Variants in RNF17 observed in about 807,000 individuals in gnomAD.
RNF17 encodes the protein spermatogenesis associated 23.
Under a neutral mutation model 200.5 loss-of-function variants are expected in RNF17, and 31 were observed. That is an observed-to-expected ratio of 0.15 (90% CI 0.12 to 0.21). The LOEUF (loss-of-function observed/expected upper bound fraction) is 0.21, where lower values mean the gene tolerates loss of function less well. RNF17 is among the 10% of genes least tolerant of loss of function. The pLI is 1.00. For synonymous variants in RNF17, 606 were observed against 637.8 expected (o/e 0.95, Z 0.75); for missense variants, 1,628 against 1,905.1 (o/e 0.85, Z 2.71).
intron 3 of RNF17, 55 bp downstream of exon 3, chr13:24,774,959 GT>G: frequency 8.7e-7 from 1 of 1,143,506 alleles, no homozygotes; most frequent in Non-Finnish European, 1.3e-6. Flanking sequence ...TACTGAAATA[GT>G]TTTAGAATTA....
rs1181936763 is a variant in RNF17, at chr13:24,825,785, A to G, written c.2245+13A>G. On this transcript the variant is annotated intron_variant, in intron 16 of 35. Transcript: ENST00000255324. ...GCAAAAGTTATCGGTAGGAGAATGC[A>G]TGCTGTTTCTACAGGGAGATGTCAT... 1 of 1,609,284 alleles carries G rather than the reference A, an allele frequency of 6.2e-7. No individual in the cohort carries two copies. The highest frequency in any genetic ancestry group is 8.5e-7 in the Non-Finnish European group (1 of 1,177,538).
chr13:24,791,021 G>A (rs182544972), intron 9 of RNF17, among the ~76,000 whole-genome samples: 7 of 152,106 alleles, frequency 4.6e-5, no homozygotes, highest in East Asian at 1.9e-4. Context: ...TAGACAATGT[G>A]GCATATTTCT....
At position 24,831,880 on chromosome 13, in the gene RNF17, A is replaced by G. The variant is rs1156527398; in HGVS notation, c.2384A>G (p.Tyr795Cys). ...CAGGCAATTAAATGTAAGTTGGCCT[A>G]TATTGAACCATATAAAAGGACAATG... ...PEKAIKCKLA[Y>C]IEPYKRTMQW... The change falls in exon 18 of 36, where the codon TAT becomes TGT. Residue 795 changes from tyrosine (Y) to cysteine (C), a missense_variant. Tyr to Cys is a radical substitution (Grantham distance 194). Coordinates refer to ENST00000255324, the MANE Select transcript of RNF17 (RefSeq NM_031277.3). 2 of 1,607,136 alleles carry G rather than the reference A, an allele frequency of 1.2e-6. No individual in the cohort carries two copies. Among genetic ancestry groups the G allele is most frequent in the South Asian group, 2.2e-5 (2 of 89,232 alleles).
chr13:24,868,832 G>A (rs1047015952), intron 31 of RNF17, 116 bp downstream of exon 31: 9 of 676,904 alleles, frequency 1.3e-5, no homozygotes, highest in Non-Finnish European at 2.1e-5. Flanking sequence ...TTGCAAATTC[G>A]TGAACTCTAG....
chr13:24,796,066 T>C lies in RNF17; in HGVS notation c.1241-71T>C, dbSNP rs572350882. On this transcript the variant is annotated intron_variant, in intron 10 of 35. Coordinates refer to ENST00000255324, the MANE Select transcript of RNF17 (RefSeq NM_031277.3). The stretch of plus-strand genomic sequence containing the variant: ...TAAGACACTCTTTTAGAGGCTATTA[T>C]GGTTGTTCAGCTTTCATGAATTATT... 6.6e-6 allele frequency: 8 copies of C among 1,204,238 alleles called. No individual in the cohort carries two copies. In the African/African-American group the frequency reaches 1.1e-4, roughly 16 times the overall value. The allele number at this position is 1,204,238 out of a possible 1,614,324, so 74.6% of individuals were successfully genotyped here.
At position 24,831,918 on chromosome 13, in the gene RNF17, G is replaced by A; in HGVS notation, c.2422G>A (p.Glu808Lys). 1.2e-6 allele frequency: 2 copies of A among 1,607,390 alleles called. No homozygotes were observed. Among genetic ancestry groups the A allele is most frequent in the Non-Finnish European group, 1.7e-6 (2 of 1,175,692 alleles). ...PYKRTMQWSK[E>K]AKEKFEEKAQ... ...TAAAAGGACAATGCAGTGGTCCAAA[G>A]AAGCTAAAGAAAAATTTGAAGAAAA... Residue 808 changes from glutamate to lysine, a missense_variant, in exon 18 of 36, where the codon GAA becomes AAA. Physicochemically the swap from Glu to Lys is moderately conservative, Grantham distance 56. Around this residue, in one of 5 missense-constraint regions of RNF17, gnomAD observed 227 missense variants for 319.8 expected, o/e 0.71. Transcript: ENST00000255324.
At chr13:24,871,473 G>T (rs1894242028) in intron 32 of RNF17, among the ~76,000 whole-genome samples, 2 of 152,064 alleles carry the variant, frequency 1.3e-5, no homozygotes, top group Admixed American at 1.3e-4. Context: ...AAGTAGTTGG[G>T]ATTACAGGTG....
chr13:24,767,746 C>CAA (rs71186846), intron 2 of RNF17, among the ~76,000 whole-genome samples: 20,101 of 94,526 alleles, frequency 0.21, 1,504 homozygotes, highest in Non-Finnish European at 0.24. Context: ...GACTCCATCT[C>CAA]AAAAAAAAAA....
the RNF17 span, among the ~76,000 whole-genome samples, chr13:24,885,116 T>C: frequency 3.3e-5 from 5 of 152,242 alleles, no homozygotes; most frequent in Admixed American, 6.5e-5. Flanking sequence ...ACAAAGATCA[T>C]ACAGAGATTG....
intron 17 of RNF17, 39 bp from the exon 18 acceptor site, chr13:24,831,819 T>G (rs375041125): frequency 1.3e-5 from 20 of 1,566,166 alleles, no homozygotes; most frequent in Non-Finnish European, 1.6e-5. Context: ...AGGTAGAAAT[T>G]AAATTTTTTT....
chr13:24,795,424 CTTT>C (rs60986805), intron 10 of RNF17, among the ~76,000 whole-genome samples: 3 of 137,546 alleles, frequency 2.2e-5, no homozygotes, highest in Non-Finnish European at 3.2e-5. Flanking sequence ...GCGGGGGTGT[CTTT>C]TTTTTTTTTT....
At chr13:24,844,097 C>T in intron 20 of RNF17, 126 bp downstream of exon 20, 1 of 360,510 alleles carries the variant, frequency 2.8e-6, no homozygotes, top group Non-Finnish European at 4.8e-6. Context: ...TAAGTAGTCT[C>T]AGCTAGTTAG....
chr13:24,755,957 GA>G, the RNF17 span, among the ~76,000 whole-genome samples: 1 of 152,114 alleles, frequency 6.6e-6, no homozygotes, highest in Non-Finnish European at 1.5e-5. Flanking sequence ...AAACACATTT[GA>G]AATCACCAGT....
chr13:24,883,517 A>G (rs1435225933), downstream of RNF17: 3 of 632,978 alleles, frequency 4.7e-6, no homozygotes, highest in African/African-American at 3.7e-5. Flanking sequence ...AACTTTCTAC[A>G]GTGTTTCTGC....
chr13:24,847,485 A>G lies in RNF17; in HGVS notation c.3101+2406A>G, dbSNP rs191501886. Among the ~76,000 whole-genome samples the G allele has an allele frequency of 3.4e-3, 510 of 151,972 alleles. 3 individuals are homozygous for G. Among genetic ancestry groups the G allele is most frequent in the Non-Finnish European group, 6.1e-3 (417 of 67,978 alleles). On this transcript the variant is annotated intron_variant, in intron 22 of 35. Transcript: ENST00000255324. ...CTCAGCCTCCCGAGTAGCTGGAATT[A>G]CAGGCGTGCACCACCATGCCCGGCT...
At chr13:24,844,020 A>T in intron 20 of RNF17, 49 bp downstream of exon 20, 1 of 582,186 alleles carries the variant, frequency 1.7e-6, no homozygotes, top group Non-Finnish European at 2.7e-6. Flanking sequence ...ATATGATTTT[A>T]TCCTTTATTC....
downstream of RNF17, chr13:24,883,302 G>A (rs765865777): frequency 4.3e-6 from 7 of 1,613,604 alleles, no homozygotes; most frequent in East Asian, 2.2e-5. Context: ...GGGTATTCCC[G>A]TCTCTTGAAC....
chr13:24,772,483 T>A (rs1865870985), intron 2 of RNF17, among the ~76,000 whole-genome samples: 1 of 151,246 alleles, frequency 6.6e-6, no homozygotes, highest in African/African-American at 2.4e-5. Flanking sequence ...GGTGCGATTT[T>A]TTAAAAAGTT....
chr13:24,798,675 C>T (rs943609128), intron 11 of RNF17, among the ~76,000 whole-genome samples: 7 of 152,156 alleles, frequency 4.6e-5, no homozygotes, highest in Non-Finnish European at 1.0e-4. Context: ...ACAGTACCTT[C>T]GTAGGGTTGT....
Sources: gnomAD v4.1 joint callset for allele counts (sites outside exome capture counted in the v4.1 genomes callset) on GRCh38, gnomAD v4.1.1 for gene constraint, gnomAD v4.1.1 regional missense constraint, MANE v1.5 for transcripts, NCBI Gene and HGNC (gene_info 2026-07-23, HGNC 2026-07-21) for gene names.